The following AVL9 variants were observed in gnomAD, a reference collection of about 807,000 sequenced individuals.
The protein encoded by AVL9 is late secretory pathway protein AVL9 homolog.
Under a neutral mutation model 79.2 loss-of-function variants are expected in AVL9, and 49 were observed. The ratio of observed to expected loss-of-function variants is 0.62; its 90% CI spans 0.49 to 0.79. The LOEUF is 0.79. Among genes scored for constraint, AVL9 ranks in the 30% least tolerant of loss-of-function variants. The probability of loss-of-function intolerance (pLI) is 0.00; values close to 1 mark genes in which losing one functional copy is unlikely to be tolerated. For missense variants in AVL9, 682 were observed against 776.8 expected (o/e 0.88, Z 1.45); for synonymous variants, 299 against 280.6 (o/e 1.07, Z -0.65).
At chr7:32,510,357 G>A (rs1048823169) in intron 1 of AVL9, among the ~76,000 whole-genome samples, 9 of 150,960 alleles carry the variant, frequency 6.0e-5, no homozygotes, top group South Asian at 2.1e-4. Context: ...AACTGCCCCA[G>A]TATGAGGGAA....
chr7:32,564,606 T>C (rs1271722869), intron 10 of AVL9, among the ~76,000 whole-genome samples: 1 of 152,208 alleles, frequency 6.6e-6, no homozygotes, highest in Non-Finnish European at 1.5e-5. Context: ...TTACCAACTT[T>C]CTAATCCTCT....
intron 15 of AVL9, among the ~76,000 whole-genome samples, chr7:32,582,825 C>T (rs1015595632): frequency 7.2e-5 from 11 of 152,154 alleles, no homozygotes; most frequent in African/African-American, 1.7e-4. Flanking sequence ...GCTGGGACTA[C>T]AGGCATGTGC....
chr7:32,506,069 T>C (rs2128114520), intron 1 of AVL9, among the ~76,000 whole-genome samples: 1 of 152,302 alleles, frequency 6.6e-6, no homozygotes, highest in African/African-American at 2.4e-5. Context: ...TCTATGAAGA[T>C]GTATATTTTT....
At chr7:32,580,147 T>A in intron 13 of AVL9, 72 bp from the exon 14 acceptor site, 2 of 1,219,840 alleles carry the variant, frequency 1.6e-6, no homozygotes, top group Non-Finnish European at 2.4e-6. Flanking sequence ...TTACTAATAT[T>A]TTCTTGTGAT....
chr7:32,547,612 C>G (rs748988432), intron 3 of AVL9, among the ~76,000 whole-genome samples: 3 of 152,178 alleles, frequency 2.0e-5, no homozygotes, highest in Non-Finnish European at 4.4e-5. Flanking sequence ...CTGACCCACT[C>G]AGGAGTACAT....
At chr7:32,530,305 A>G (rs1788592892) in intron 1 of AVL9, among the ~76,000 whole-genome samples, 1 of 152,254 alleles carries the variant, frequency 6.6e-6, no homozygotes, top group Non-Finnish European at 1.5e-5. Flanking sequence ...ACTCATAACT[A>G]GTAAATGTAT....
rs745364377 is a variant in AVL9, at chr7:32,583,960, G to C, written c.*53G>C. On this transcript the variant is annotated 3_prime_UTR_variant, in exon 16 of 16. Coordinates refer to ENST00000318709, the MANE Select transcript of AVL9 (RefSeq NM_015060.3). The stretch of plus-strand genomic sequence containing the variant: ...TCTGAGGTTTAAGTGTCCCCTGTCT[G>C]TCTGCTGCTCCCAGGCTGTTACTAG... The C allele has an allele frequency of 5.5e-5, 72 of 1,306,908 alleles. No individual in the cohort carries two copies. Among genetic ancestry groups the C allele is most frequent in the Non-Finnish European group, 7.5e-5 (68 of 903,526 alleles). The allele number at this position is 1,306,908 out of a possible 1,614,324, so 81.0% of individuals were successfully genotyped here.
intron 8 of AVL9, among the ~76,000 whole-genome samples, chr7:32,555,890 A>G (rs1469102527): frequency 6.6e-6 from 1 of 152,228 alleles, no homozygotes; most frequent in African/African-American, 2.4e-5. Context: ...ATTTTCCAAA[A>G]TTAATCTGAA....
intron 1 of AVL9, among the ~76,000 whole-genome samples, chr7:32,524,441 G>T (rs1387790525): frequency 1.3e-5 from 2 of 152,032 alleles, no homozygotes; most frequent in Admixed American, 1.3e-4. Flanking sequence ...CTTGAACTCA[G>T]GAGACAGTGG....
chr7:32,531,091 G>A (rs1788626517), intron 1 of AVL9, among the ~76,000 whole-genome samples: 1 of 152,074 alleles, frequency 6.6e-6, no homozygotes, highest in Non-Finnish European at 1.5e-5. Context: ...TGAGGGGCAG[G>A]GACAATTACA....
chr7:32,500,929 T>G lies in AVL9; in HGVS notation c.93+5127T>G, dbSNP rs535076564. Among the ~76,000 whole-genome samples the G allele has an allele frequency of 2.3e-3, 353 of 152,310 alleles. 2 individuals are homozygous for G. The highest frequency in any genetic ancestry group is 8.1e-3 in the African/African-American group (338 of 41,568). The stretch of plus-strand genomic sequence containing the variant: ...GCAGATGGCTGTAGATGTGTGGTGT[T>G]ATTTGTGAGACCTCTGTTCTGTCCC... On this transcript the variant is annotated intron_variant, in intron 1 of 15. Transcript: ENST00000318709.
intron 8 of AVL9, among the ~76,000 whole-genome samples, chr7:32,558,280 C>G (rs1790171351): frequency 6.6e-6 from 1 of 151,782 alleles, no homozygotes. Context: ...GCCTCAGCCT[C>G]CTGAGTAGCT....
At chr7:32,532,726 C>G (rs1258381811) in intron 1 of AVL9, 1 of 152,152 alleles carries the variant, frequency 6.6e-6, no homozygotes, top group Non-Finnish European at 1.5e-5. Flanking sequence ...AACTAAGATA[C>G]TTATTTCCAT....
chr7:32,531,348 CTTACTTCAG>C (rs376752402), intron 1 of AVL9, among the ~76,000 whole-genome samples: 144 of 8,106 alleles, frequency 0.018, 1 homozygote, highest in African/African-American at 0.067. Context: ...TTTATCAAAT[CTTACTTCAG>C]TTTACTGTGT....
At chr7:32,521,965 G>A (rs577107930) in intron 1 of AVL9, among the ~76,000 whole-genome samples, 4 of 152,320 alleles carry the variant, frequency 2.6e-5, no homozygotes, top group Non-Finnish European at 4.4e-5. Context: ...CTTTGGCAGC[G>A]TCCACATGGT....
intron 1 of AVL9, among the ~76,000 whole-genome samples, chr7:32,527,950 C>T (rs1788475414): frequency 6.6e-6 from 1 of 152,118 alleles, no homozygotes; most frequent in African/African-American, 2.4e-5. Context: ...GGACATGCCT[C>T]ATTATACCCC....
chr7:32,509,009 G>C (rs981497787), intron 1 of AVL9, among the ~76,000 whole-genome samples: 3 of 152,316 alleles, frequency 2.0e-5, no homozygotes, highest in East Asian at 1.9e-4. Context: ...TTTTGATTGA[G>C]ATTGTATTGA....
chr7:32,566,180 A>ATCTTTTTT lies in AVL9; in HGVS notation c.1216-3839_1216-3838insCTTTTTTT, dbSNP rs70992731. ...TAAAAAAATTTTAATTATTATTATT[A>ATCTTTTTT]TTTTTTTTTTTTGGAGACAAGGTCT... On this transcript the variant is annotated intron_variant, in intron 10 of 15. Coordinates refer to ENST00000318709, the MANE Select transcript of AVL9 (RefSeq NM_015060.3). 4.8e-4 allele frequency among the ~76,000 whole-genome samples: 45 copies of ATCTTTTTT among 93,874 alleles called. 10 individuals are homozygous for ATCTTTTTT. Among genetic ancestry groups the ATCTTTTTT allele is most frequent in the African/African-American group, 1.0e-3 (24 of 24,084 alleles). The allele number at this position is 93,874 out of a possible 152,430, so 61.6% of individuals were successfully genotyped here.
At chr7:32,510,180 C>T (rs529476492) in intron 1 of AVL9, among the ~76,000 whole-genome samples, 13 of 124,164 alleles carry the variant, frequency 1.0e-4, no homozygotes, top group African/African-American at 3.1e-4. Flanking sequence ...CCAGTAGGAG[C>T]GAGCCCATCT....
Sources: gnomAD v4.1 joint callset for allele counts (sites outside exome capture counted in the v4.1 genomes callset) on GRCh38, gnomAD v4.1.1 for gene constraint, MANE v1.5 for transcripts, NCBI Gene and HGNC (gene_info 2026-07-23, HGNC 2026-07-21) for gene names.